Variants in SND1 observed in about 807,000 individuals in gnomAD.
SND1 encodes the protein staphylococcal nuclease domain-containing protein 1.
A neutral mutation model predicts 121.7 loss-of-function variants in SND1; 38 were observed. That is an observed-to-expected ratio of 0.31 (90% CI 0.24 to 0.41). SND1 has a LOEUF of 0.41. Ranked by LOEUF, SND1 falls within the 10% of genes least tolerant of loss-of-function variation. The pLI is 1.00. For missense variants in SND1, 868 were observed against 1,184.6 expected (o/e 0.73, Z 3.92); for synonymous variants, 401 against 447.4 (o/e 0.90, Z 1.31).
At chr7:127,837,444 A>G (rs1798887611) in intron 11 of SND1, among the ~76,000 whole-genome samples, 1 of 152,284 alleles carries the variant, frequency 6.6e-6, no homozygotes, top group Admixed American at 6.5e-5. Context: ...ATGTTTCAAC[A>G]TGGCTACTAG....
intron 16 of SND1, chr7:128,032,162 T>C (rs1482124913): frequency 2.0e-5 from 3 of 151,670 alleles, no homozygotes; most frequent in Admixed American, 6.6e-5. Context: ...TGCTCTTATG[T>C]ATTAGCGCCG....
intron 10 of SND1, among the ~76,000 whole-genome samples, chr7:127,763,332 A>C (rs1797339001): frequency 6.6e-6 from 1 of 152,068 alleles, no homozygotes; most frequent in Admixed American, 6.6e-5. Flanking sequence ...TGTGCACATC[A>C]TATATATACA....
At chr7:127,938,518 G>T (rs1172632248) in intron 15 of SND1, among the ~76,000 whole-genome samples, 1 of 152,192 alleles carries the variant, frequency 6.6e-6, no homozygotes, top group Non-Finnish European at 1.5e-5. Context: ...TTTCCTCAGG[G>T]CGATGGCATT....
At chr7:128,053,322 T>C (rs1793078093) in intron 16 of SND1, among the ~76,000 whole-genome samples, 1 of 152,216 alleles carries the variant, frequency 6.6e-6, no homozygotes, top group African/African-American at 2.4e-5. Flanking sequence ...CTCTCTAGCC[T>C]CAGCCACTCC....
chr7:128,073,835 G>A (rs1012501896), intron 16 of SND1, among the ~76,000 whole-genome samples: 3 of 152,124 alleles, frequency 2.0e-5, no homozygotes, highest in Admixed American at 6.5e-5. Context: ...CTGGGTCCTC[G>A]GGATGAGACA....
At chr7:127,953,265 C>A (rs1801510155) in intron 15 of SND1, among the ~76,000 whole-genome samples, 1 of 149,980 alleles carries the variant, frequency 6.7e-6, no homozygotes, top group Admixed American at 6.7e-5. Context: ...TGTTTGATTC[C>A]TCGCCTGCCA....
chr7:127,824,682 T>C (rs369568706), intron 11 of SND1, among the ~76,000 whole-genome samples: 11 of 152,206 alleles, frequency 7.2e-5, no homozygotes, highest in African/African-American at 2.4e-4. Context: ...TTTGCACATA[T>C]ATGAGACTCC....
chr7:127,995,322 T>C (rs1802622395), intron 16 of SND1, among the ~76,000 whole-genome samples: 1 of 152,220 alleles, frequency 6.6e-6, no homozygotes, highest in African/African-American at 2.4e-5. Flanking sequence ...CCATGTCCCA[T>C]TGGATAGCAT....
At chr7:127,954,780 G>A (rs533178000) in intron 15 of SND1, among the ~76,000 whole-genome samples, 265 of 152,214 alleles carry the variant, frequency 1.7e-3, no homozygotes, top group African/African-American at 6.1e-3. Context: ...TGTATGAAAA[G>A]CCAAATTGAT....
intron 10 of SND1, among the ~76,000 whole-genome samples, chr7:127,761,992 G>A (rs1376398900): frequency 6.6e-6 from 1 of 152,038 alleles, no homozygotes; most frequent in Admixed American, 6.6e-5. Context: ...AAATACCCGA[G>A]GCTCTCATTT....
chr7:128,085,710 G>C lies in SND1; in HGVS notation c.2235-1G>C, dbSNP rs750133359. 1 of 1,614,026 alleles carries C rather than the reference G, an allele frequency of 6.2e-7. No homozygotes were observed. The highest frequency in any genetic ancestry group is 8.5e-7 in the Non-Finnish European group (1 of 1,179,940). ...GAGCTCTGCCCATGATGCCATTGCA[G>C]GTACCGTGCCCGAGTAGAGAAAGTC... On this transcript the variant is annotated splice_acceptor_variant, in intron 19 of 23. Transcript: ENST00000354725. LOFTEE classifies it high-confidence loss of function. The surrounding 1 kb of genome is among the most constrained non-coding windows in gnomAD (Gnocchi z 4.4).
intron 16 of SND1, among the ~76,000 whole-genome samples, chr7:128,020,759 A>G (rs1358725478): frequency 1.3e-5 from 2 of 152,220 alleles, no homozygotes; most frequent in Non-Finnish European, 1.5e-5. Context: ...GAAAGCCTCC[A>G]GCGGGCACAA....
At chr7:127,824,559 C>G (rs1275046394) in intron 11 of SND1, among the ~76,000 whole-genome samples, 1 of 152,160 alleles carries the variant, frequency 6.6e-6, no homozygotes, top group African/African-American at 2.4e-5. Context: ...AATGAAAATT[C>G]TGATCTTTAT....
chr7:127,788,104 A>G (rs1477883331), intron 10 of SND1, among the ~76,000 whole-genome samples: 1 of 152,244 alleles, frequency 6.6e-6, no homozygotes. Flanking sequence ...GACCCATTTT[A>G]TGTAACATTT....
intron 10 of SND1, among the ~76,000 whole-genome samples, chr7:127,789,912 T>G (rs568579192): frequency 1.3e-5 from 2 of 152,264 alleles, no homozygotes; most frequent in African/African-American, 4.8e-5. Flanking sequence ...CAGAAAGAAA[T>G]ATTTGTATTT....
At chr7:127,957,416 CA>C (rs1032617197) in intron 15 of SND1, among the ~76,000 whole-genome samples, 7 of 152,156 alleles carry the variant, frequency 4.6e-5, no homozygotes, top group African/African-American at 1.7e-4. Flanking sequence ...TTCATTCCCT[CA>C]TCTTGTTCTG....
intron 13 of SND1, among the ~76,000 whole-genome samples, chr7:127,892,736 G>A (rs933620541): frequency 3.9e-5 from 6 of 151,976 alleles, no homozygotes; most frequent in Non-Finnish European, 7.4e-5. Flanking sequence ...TCGTTGAAAA[G>A]CCCTTGATGT....
chr7:127,876,427 G>T (rs1799692206), intron 12 of SND1, among the ~76,000 whole-genome samples: 1 of 152,074 alleles, frequency 6.6e-6, no homozygotes, highest in African/African-American at 2.4e-5. Context: ...AAACACTGTA[G>T]GTTTGAGTTC....
chr7:127,816,830 T>C (rs1798451856), intron 11 of SND1, among the ~76,000 whole-genome samples: 1 of 152,044 alleles, frequency 6.6e-6, no homozygotes, highest in Non-Finnish European at 1.5e-5. Context: ...GCCCAGCTAA[T>C]TGTTGTATTT....
Sources: allele counts gnomAD v4.1 joint callset (sites outside exome capture counted in the v4.1 genomes callset), GRCh38; gene constraint gnomAD v4.1.1; non-coding constraint Gnocchi (gnomAD v3.1); transcripts MANE v1.5; gene names NCBI Gene and HGNC (gene_info 2026-07-23, HGNC 2026-07-21).